The following CAST variants were observed in gnomAD, a reference collection of about 807,000 sequenced individuals.
CAST encodes MIR583 host.
CAST carries 76 observed loss-of-function variants against 119.6 expected under a neutral mutation model. The ratio of observed to expected loss-of-function variants is 0.64; its 90% CI spans 0.53 to 0.77. CAST has a LOEUF of 0.77. CAST is among the 30% of genes least tolerant of loss of function. CAST has a pLI of 0.00. For missense variants in CAST, 953 were observed against 946.5 expected (o/e 1.01, Z -0.09); for synonymous variants, 319 against 331.6 (o/e 0.96, Z 0.41).
chr5:96,097,318 G>A, the CAST span, among the ~76,000 whole-genome samples: 1 of 149,568 alleles, frequency 6.7e-6, no homozygotes. Context: ...AAGGTAGGAT[G>A]AGCTCAAAGT....
chr5:96,534,712 AAG>A (rs1376038956), intron 1 of CAST, among the ~76,000 whole-genome samples: 9 of 47,298 alleles, frequency 1.9e-4, no homozygotes, highest in Admixed American at 7.9e-4. Flanking sequence ...GGAAGGAAGG[AAG>A]GAGAGAGAGA....
At chr5:96,479,132 TGGAAG>T in the CAST span, among the ~76,000 whole-genome samples, 58 of 152,306 alleles carry the variant, frequency 3.8e-4, no homozygotes, top group Non-Finnish European at 7.4e-4. Flanking sequence ...AGAGGGCATT[TGGAAG>T]CCTACATGCT....
chr5:96,529,450 T>A (rs967451034), upstream of CAST, among the ~76,000 whole-genome samples: 15 of 152,168 alleles, frequency 9.9e-5, no homozygotes, highest in Non-Finnish European at 2.1e-4. Flanking sequence ...TTGTACATTT[T>A]AATTGAGCCG....
the CAST span, among the ~76,000 whole-genome samples, chr5:96,129,546 A>T: frequency 3.7e-4 from 56 of 152,266 alleles, no homozygotes; most frequent in African/African-American, 1.3e-3. Context: ...GTCATGAATC[A>T]CTGCTTTATT....
chr5:96,485,197 G>A, the CAST span, among the ~76,000 whole-genome samples: 1 of 152,148 alleles, frequency 6.6e-6, no homozygotes, highest in Non-Finnish European at 1.5e-5. Flanking sequence ...GGATTGAAAA[G>A]TGAGTGTGGA....
the CAST span, among the ~76,000 whole-genome samples, chr5:95,992,531 G>A: frequency 3.3e-5 from 5 of 152,138 alleles, no homozygotes; most frequent in African/African-American, 9.6e-5. Context: ...TTAAGGTCAT[G>A]CATGAAAAAC....
At chr5:96,503,180 T>G in the CAST span, among the ~76,000 whole-genome samples, 1 of 152,244 alleles carries the variant, frequency 6.6e-6, no homozygotes, top group Non-Finnish European at 1.5e-5. Context: ...TGCTTTAGTT[T>G]GTATTTCACT....
chr5:95,997,963 G>T, the CAST span, among the ~76,000 whole-genome samples: 34,006 of 95,048 alleles, frequency 0.36, 7,211 homozygotes, highest in East Asian at 0.83. Context: ...TTGAGAGAGG[G>T]TTTTTTTTTT....
intron 3 of CAST, among the ~76,000 whole-genome samples, chr5:96,703,144 C>T (rs1347843911): frequency 1.3e-5 from 2 of 152,180 alleles, no homozygotes; most frequent in East Asian, 3.9e-4. Flanking sequence ...CTGTTACTGC[C>T]CCTTCCGCCG....
At chr5:96,101,215 T>C in the CAST span, among the ~76,000 whole-genome samples, 1 of 152,216 alleles carries the variant, frequency 6.6e-6, no homozygotes, top group African/African-American at 2.4e-5. Context: ...CCATTTGTTT[T>C]ATTTGTATTT....
At chr5:96,770,626 A>G (rs576277448) in intron 30 of CAST, 24 bp downstream of exon 30, 3 of 1,491,686 alleles carry the variant, frequency 2.0e-6, no homozygotes, top group Non-Finnish European at 1.9e-6. Flanking sequence ...TAAATATACT[A>G]CAAATTAGTT....
the CAST span, among the ~76,000 whole-genome samples, chr5:96,249,324 G>A: frequency 6.6e-6 from 1 of 152,126 alleles, no homozygotes; most frequent in African/African-American, 2.4e-5. Context: ...CAGGGATTCT[G>A]GAATCTGCTG....
In CAST at chr5:96,730,876, C is replaced by G. The variant is rs991427858; in HGVS notation, c.630+16C>G. 1 of 1,586,122 alleles carries G rather than the reference C, an allele frequency of 6.3e-7. No homozygotes were observed. Among genetic ancestry groups the G allele is most frequent in the Non-Finnish European group, 8.7e-7 (1 of 1,154,244 alleles). Reference sequence around the variant, plus strand: ...GGGTGACAAGGTGAGCACACACAAGCAGACGGAAACGTGGGCCTCTGTGCT... The same window carrying G: ...GGGTGACAAGGTGAGCACACACAAGGAGACGGAAACGTGGGCCTCTGTGCT... On this transcript the variant is annotated intron_variant, in intron 9 of 31. Coordinates refer to ENST00000675179, the MANE Select transcript of CAST (RefSeq NM_001750.7).
At chr5:95,969,332 A>G in the CAST span, among the ~76,000 whole-genome samples, 4 of 152,214 alleles carry the variant, frequency 2.6e-5, no homozygotes, top group East Asian at 3.8e-4. Context: ...TGACAAAAGT[A>G]TAAGTAATGG....
At chr5:96,234,408 T>C in the CAST span, among the ~76,000 whole-genome samples, 3 of 152,192 alleles carry the variant, frequency 2.0e-5, no homozygotes, top group African/African-American at 7.2e-5. Context: ...ACAGTTTGCA[T>C]GGGAATATTG....
At chr5:96,355,585 A>G in the CAST span, among the ~76,000 whole-genome samples, 1 of 152,108 alleles carries the variant, frequency 6.6e-6, no homozygotes, top group Non-Finnish European at 1.5e-5. Flanking sequence ...CTGGTTCTAG[A>G]TCCTTAAGGA....
At chr5:96,084,252 G>T in the CAST span, among the ~76,000 whole-genome samples, 1 of 152,144 alleles carries the variant, frequency 6.6e-6, no homozygotes, top group Non-Finnish European at 1.5e-5. Flanking sequence ...GGAAGGTTAG[G>T]GCTGAACACT....
chr5:96,282,971 T>C, the CAST span, among the ~76,000 whole-genome samples: 1 of 149,906 alleles, frequency 6.7e-6, no homozygotes, highest in Non-Finnish European at 1.5e-5. Flanking sequence ...CTACTAAAAA[T>C]ACAAAAAAAT....
At chr5:95,978,086 T>C in the CAST span, among the ~76,000 whole-genome samples, 1 of 152,160 alleles carries the variant, frequency 6.6e-6, no homozygotes, top group Non-Finnish European at 1.5e-5. Flanking sequence ...TCTTTACTAT[T>C]GTGAATAGTG....
Sources: gnomAD v4.1 joint callset for allele counts (sites outside exome capture counted in the v4.1 genomes callset) on GRCh38, gnomAD v4.1.1 for gene constraint, MANE v1.5 for transcripts, NCBI Gene and HGNC (gene_info 2026-07-23, HGNC 2026-07-21) for gene names.